MDFIC2: variants seen among roughly 807,000 people sequenced by gnomAD.
MDFIC2 encodes myoD family inhibitor domain-containing protein 2.
intron 2 of MDFIC2, among the ~76,000 whole-genome samples, chr3:70,239,701 A>C (rs927906465): frequency 6.6e-6 from 1 of 151,980 alleles, no homozygotes; most frequent in Non-Finnish European, 1.5e-5. Context: ...CTATTTCATC[A>C]TTTCTCTCCT....
At chr3:70,288,522 A>C (rs1702191602) in intron 2 of MDFIC2, among the ~76,000 whole-genome samples, 1 of 150,384 alleles carries the variant, frequency 6.6e-6, no homozygotes, top group South Asian at 2.2e-4. Flanking sequence ...GTGCTGAAAA[A>C]AATGTATATT....
At chr3:70,241,968 GT>G (rs1701670245) in intron 2 of MDFIC2, among the ~76,000 whole-genome samples, 2 of 152,136 alleles carry the variant, frequency 1.3e-5, no homozygotes, top group Non-Finnish European at 1.5e-5. Flanking sequence ...GGCCCTTAGA[GT>G]TTATTATCTA....
chr3:70,294,025 T>C (rs1702266289), intron 2 of MDFIC2, among the ~76,000 whole-genome samples: 1 of 152,106 alleles, frequency 6.6e-6, no homozygotes, highest in Admixed American at 6.6e-5. Flanking sequence ...TGGGTGTATT[T>C]TAATATTTAT....
rs112020608 is a variant in MDFIC2 at position 70,294,296 on chromosome 3, T to C, written c.88+17590A>G. Among the ~76,000 whole-genome samples, 25 of 152,284 alleles carry C rather than the reference T, an allele frequency of 1.6e-4. 1 individual carries two copies. Among genetic ancestry groups the C allele is most frequent in the African/African-American group, 5.5e-4 (23 of 41,580 alleles). On this transcript the variant is annotated intron_variant, in intron 2 of 3. Transcript: ENST00000567252. ...TTTTCTTTTTTGCTAATGAAACCTG[T>C]TCACCCTAGGTCATGAATAGACCTT...
At chr3:70,231,456 G>T (rs774615267) in intron 2 of MDFIC2, among the ~76,000 whole-genome samples, 1 of 152,192 alleles carries the variant, frequency 6.6e-6, no homozygotes, top group Non-Finnish European at 1.5e-5. Context: ...CTCTAAAAGA[G>T]CTCCCTTCTA....
At chr3:70,235,401 T>C (rs925595234) in intron 2 of MDFIC2, among the ~76,000 whole-genome samples, 3 of 152,232 alleles carry the variant, frequency 2.0e-5, no homozygotes, top group East Asian at 1.9e-4. Flanking sequence ...TCCCTCACAA[T>C]TGGCTTCCGT....
chr3:70,301,942 T>A (rs954790096), intron 2 of MDFIC2, among the ~76,000 whole-genome samples: 4 of 152,148 alleles, frequency 2.6e-5, no homozygotes, highest in Admixed American at 6.6e-5. Context: ...GTCTGTTGTT[T>A]GAGATTAGAA....
At chr3:70,266,017 A>C (rs1344587710) in intron 2 of MDFIC2, among the ~76,000 whole-genome samples, 5 of 152,190 alleles carry the variant, frequency 3.3e-5, no homozygotes, top group African/African-American at 1.2e-4. Flanking sequence ...CACAAAGCCT[A>C]ATCATATCAC....
At chr3:70,244,775 C>T (rs566161780) in intron 2 of MDFIC2, among the ~76,000 whole-genome samples, 1 of 152,300 alleles carries the variant, frequency 6.6e-6, no homozygotes, top group East Asian at 1.9e-4. Context: ...TGTGTGCACA[C>T]ATATATAAAT....
At chr3:70,229,386 A>G (rs1318438199) in intron 2 of MDFIC2, among the ~76,000 whole-genome samples, 6 of 152,188 alleles carry the variant, frequency 3.9e-5, no homozygotes, top group Non-Finnish European at 5.9e-5. Flanking sequence ...GCTAAAGAAG[A>G]TCATTTTAAT....
chr3:70,224,435 C>G (rs1262934912), intron 2 of MDFIC2, among the ~76,000 whole-genome samples: 1 of 152,186 alleles, frequency 6.6e-6, no homozygotes, highest in Non-Finnish European at 1.5e-5. Context: ...TCCAGATGTT[C>G]TATAAAAGGT....
chr3:70,289,686 T>G (rs559973906), intron 2 of MDFIC2, among the ~76,000 whole-genome samples: 2 of 152,284 alleles, frequency 1.3e-5, no homozygotes, highest in South Asian at 4.1e-4. Flanking sequence ...CCCCATCACT[T>G]TCAGGTACAC....
At chr3:70,243,774 G>A (rs565481736) in intron 2 of MDFIC2, among the ~76,000 whole-genome samples, 2 of 152,278 alleles carry the variant, frequency 1.3e-5, no homozygotes, top group South Asian at 4.1e-4. Context: ...CTGGCATGAT[G>A]TAAAGGAATT....
chr3:70,268,676 T>G (rs1701946861), intron 2 of MDFIC2, among the ~76,000 whole-genome samples: 1 of 152,194 alleles, frequency 6.6e-6, no homozygotes, highest in Admixed American at 6.5e-5. Flanking sequence ...TTCTCTCTTC[T>G]TTTGTTTTTG....
chr3:70,247,889 T>C (rs1401305078), intron 2 of MDFIC2, among the ~76,000 whole-genome samples: 1 of 152,074 alleles, frequency 6.6e-6, no homozygotes, highest in Non-Finnish European at 1.5e-5. Flanking sequence ...TTATTTTTTA[T>C]AAGTTTCTGT....
intron 2 of MDFIC2, among the ~76,000 whole-genome samples, chr3:70,236,464 C>T (rs182774198): frequency 1.1e-4 from 17 of 152,332 alleles, no homozygotes; most frequent in Admixed American, 1.1e-3. Flanking sequence ...CCACTTGCAA[C>T]ATGTTCTTCT....
chr3:70,290,598 T>C (rs1325348760), intron 2 of MDFIC2, among the ~76,000 whole-genome samples: 2 of 152,148 alleles, frequency 1.3e-5, no homozygotes, highest in African/African-American at 4.8e-5. Flanking sequence ...CCAGTTCGAG[T>C]TTCCGGGCTG....
intron 2 of MDFIC2, among the ~76,000 whole-genome samples, chr3:70,295,129 T>C (rs997109959): frequency 6.6e-6 from 1 of 152,122 alleles, no homozygotes; most frequent in Non-Finnish European, 1.5e-5. Flanking sequence ...TCTTCCAACT[T>C]CTGAGATGGG....
At chr3:70,236,972 C>G (rs1701616113) in intron 2 of MDFIC2, among the ~76,000 whole-genome samples, 1 of 152,162 alleles carries the variant, frequency 6.6e-6, no homozygotes, top group Non-Finnish European at 1.5e-5. Context: ...TGTGAAAAAT[C>G]ATAGCTTAAG....
Sources: gnomAD v4.1 joint callset for allele counts (sites outside exome capture counted in the v4.1 genomes callset) on GRCh38, gnomAD v4.1.1 for gene constraint, MANE v1.5 for transcripts, NCBI Gene and HGNC (gene_info 2026-07-23, HGNC 2026-07-21) for gene names.